DLG2: variants seen among roughly 807,000 people sequenced by gnomAD.
The protein encoded by DLG2 is discs large MAGUK scaffold protein 2.
A neutral mutation model predicts 132.5 loss-of-function variants in DLG2; 45 were observed. The observed-to-expected ratio is 0.34, with a 90% CI of 0.27 to 0.44. The LOEUF is 0.44. Among genes scored for constraint, DLG2 ranks in the 20% least tolerant of loss-of-function variants. DLG2 has a pLI of 1.00. For missense variants in DLG2, 1,045 were observed against 1,196.9 expected (o/e 0.87, Z 1.87); for synonymous variants, 424 against 419.6 (o/e 1.01, Z -0.13).
At chr11:85,351,637 G>A (rs184239979) in intron 3 of DLG2, among the ~76,000 whole-genome samples, 38 of 152,204 alleles carry the variant, frequency 2.5e-4, no homozygotes, top group Admixed American at 1.1e-3. Flanking sequence ...GAATTTTGTC[G>A]AAGGCCTTTT....
chr11:85,164,388 C>T (rs2078271392), intron 4 of DLG2, among the ~76,000 whole-genome samples: 1 of 152,102 alleles, frequency 6.6e-6, no homozygotes, highest in Admixed American at 6.6e-5. Context: ...TACAACCTTC[C>T]TACCTCATAC....
At chr11:85,020,780 A>C in intron 6 of DLG2, 3 of 704,448 alleles carry the variant, frequency 4.3e-6, no homozygotes, top group South Asian at 4.1e-5. Context: ...TGTGCTTCAA[A>C]GTCATCCTCT....
chr11:85,579,359 C>G (rs1271307671), intron 3 of DLG2, among the ~76,000 whole-genome samples: 1 of 151,884 alleles, frequency 6.6e-6, no homozygotes, highest in African/African-American at 2.4e-5. Context: ...TCTAACAAAC[C>G]TGCACATGTA....
intron 7 of DLG2, among the ~76,000 whole-genome samples, chr11:84,263,127 A>G (rs2097569031): frequency 6.6e-6 from 1 of 152,098 alleles, no homozygotes; most frequent in South Asian, 2.1e-4. Context: ...AGTTAGTTTT[A>G]TTTTTTAAGG....
At chr11:85,392,665 C>A (rs1329397364) in intron 3 of DLG2, among the ~76,000 whole-genome samples, 1 of 152,100 alleles carries the variant, frequency 6.6e-6, no homozygotes, top group African/African-American at 2.4e-5. Flanking sequence ...GAAATAAACT[C>A]AAATACTCAC....
intron 6 of DLG2, among the ~76,000 whole-genome samples, chr11:84,671,096 AT>A (rs11320250): frequency 0.12 from 17,142 of 142,578 alleles, 986 homozygotes; most frequent in African/African-American, 0.15. Flanking sequence ...GAGTACAATA[AT>A]TTTTTTTTTT....
At position 83,459,793 on chromosome 11, in the gene DLG2, C is replaced by A; in HGVS notation, c.*25G>T. On this transcript the variant is annotated 3_prime_UTR_variant, in exon 28 of 28. Transcript: ENST00000376104. Reference sequence around the variant, plus strand: ...TTTGTTCTTCTAAATGCTCTTCTGTCGTTGTCAGAGGCGCAGTAGCTAATT... The same window carrying A: ...TTTGTTCTTCTAAATGCTCTTCTGTAGTTGTCAGAGGCGCAGTAGCTAATT... 2 of 1,245,086 alleles carry A rather than the reference C, an allele frequency of 1.6e-6. No individual in the cohort carries two copies. The highest frequency in any genetic ancestry group is 2.4e-6 in the Non-Finnish European group (2 of 844,176). 77.1% of individuals were successfully genotyped at this position (1,245,086 alleles called of 1,614,324 possible).
At chr11:84,202,611 G>T (rs111290894) in intron 8 of DLG2, among the ~76,000 whole-genome samples, 2,933 of 152,194 alleles carry the variant, frequency 0.019, 65 homozygotes, top group African/African-American at 0.065. Flanking sequence ...AGCAAAAATT[G>T]ACAAATAGGA....
intron 18 of DLG2, among the ~76,000 whole-genome samples, chr11:83,715,960 C>A (rs1188792659): frequency 6.6e-6 from 1 of 152,162 alleles, no homozygotes; most frequent in Non-Finnish European, 1.5e-5. Flanking sequence ...CACCTAGGAG[C>A]CTATAAGACT....
chr11:83,828,675 A>G (rs929213019), intron 17 of DLG2, among the ~76,000 whole-genome samples: 6 of 152,180 alleles, frequency 3.9e-5, no homozygotes, highest in Admixed American at 3.3e-4. Context: ...CCCTGTCCCA[A>G]AGAAGGAACA....
intron 6 of DLG2, among the ~76,000 whole-genome samples, chr11:84,974,603 A>G (rs1172048355): frequency 6.6e-6 from 1 of 152,214 alleles, no homozygotes; most frequent in Non-Finnish European, 1.5e-5. Flanking sequence ...ACACGTCTTC[A>G]GTTGATTTTA....
At chr11:85,510,469 C>A (rs981893974) in intron 3 of DLG2, among the ~76,000 whole-genome samples, 2 of 151,988 alleles carry the variant, frequency 1.3e-5, no homozygotes, top group Non-Finnish European at 2.9e-5. Context: ...GCAACCTACT[C>A]ATCTGACAAA....
intron 21 of DLG2, among the ~76,000 whole-genome samples, chr11:83,484,960 C>A: frequency 6.6e-6 from 1 of 152,042 alleles, no homozygotes; most frequent in East Asian, 1.9e-4. Context: ...GCCAGAGGCA[C>A]AGAGAAGTTG....
At chr11:85,145,633 T>C (rs1183509446) in intron 5 of DLG2, among the ~76,000 whole-genome samples, 1 of 152,050 alleles carries the variant, frequency 6.6e-6, no homozygotes, top group Non-Finnish European at 1.5e-5. Flanking sequence ...ATTTTTCATT[T>C]TGACAATAGA....
chr11:83,506,348 C>G (rs2094698221), intron 21 of DLG2, among the ~76,000 whole-genome samples: 1 of 152,202 alleles, frequency 6.6e-6, no homozygotes, highest in Non-Finnish European at 1.5e-5. Flanking sequence ...TATGTTCCTT[C>G]CACCATTATC....
chr11:83,898,606 T>A (rs1253268936), intron 15 of DLG2, among the ~76,000 whole-genome samples: 1 of 152,164 alleles, frequency 6.6e-6, no homozygotes, highest in Non-Finnish European at 1.5e-5. Flanking sequence ...TGAGATATTA[T>A]TTAAAAAATA....
Position 83,874,614 on chromosome 11 carries a change from G to T in DLG2, c.1497-126C>A, listed in dbSNP as rs930326102. On this transcript the variant is annotated intron_variant, in intron 15 of 27. Coordinates refer to ENST00000376104, the MANE Select transcript of DLG2 (RefSeq NM_001142699.3). ...AGGTTAGTTACATATGTATACATGT[G>T]CCATGTTGGTGTGCTGCACCCATTA... 7 of 562,588 alleles carry T rather than the reference G, an allele frequency of 1.2e-5. No individual in the cohort carries two copies. In the Admixed American group the frequency reaches 1.9e-4, roughly 15 times the overall value. 34.8% of individuals were successfully genotyped at this position (562,588 alleles called of 1,614,324 possible).
At chr11:85,160,934 TCAAG>T (rs1171580957) in intron 4 of DLG2, among the ~76,000 whole-genome samples, 4 of 151,724 alleles carry the variant, frequency 2.6e-5, no homozygotes, top group Non-Finnish European at 4.4e-5. Flanking sequence ...GCACAGAAGT[TCAAG>T]CAGTGTACCT....
At chr11:83,910,920 T>C (rs1287780925) in intron 15 of DLG2, among the ~76,000 whole-genome samples, 5 of 152,106 alleles carry the variant, frequency 3.3e-5, no homozygotes, top group African/African-American at 9.7e-5. Flanking sequence ...AGGGCCTCTA[T>C]ATTCAAGAGG....
Sources: gnomAD v4.1 joint callset for allele counts (sites outside exome capture counted in the v4.1 genomes callset) on GRCh38, gnomAD v4.1.1 for gene constraint, MANE v1.5 for transcripts, NCBI Gene and HGNC (gene_info 2026-07-23, HGNC 2026-07-21) for gene names.